SLC6A11: variants seen among roughly 807,000 people sequenced by gnomAD.
The protein encoded by SLC6A11 is sodium- and chloride-dependent GABA transporter 3.
A neutral mutation model predicts 74.8 loss-of-function variants in SLC6A11; 25 were observed. The observed-to-expected ratio is 0.33, with a 90% CI of 0.24 to 0.47. The LOEUF (loss-of-function observed/expected upper bound fraction) is 0.47, where lower values mean the gene tolerates loss of function less well. Among genes scored for constraint, SLC6A11 ranks in the 20% least tolerant of loss-of-function variants. SLC6A11 has a pLI of 1.00. For synonymous variants in SLC6A11, 330 were observed against 330.2 expected, an observed-to-expected ratio of 1.00 and a Z score of 0.01; for missense variants, 574 against 837.0, an observed-to-expected ratio of 0.69 and a Z score of 3.88.
chr3:10,911,846 C>A (rs1202156810), intron 6 of SLC6A11, among the ~76,000 whole-genome samples: 1 of 152,182 alleles, frequency 6.6e-6, no homozygotes, highest in Non-Finnish European at 1.5e-5. Flanking sequence ...TTGCTATTCA[C>A]TGAGCTATTA....
chr3:10,848,749 A>G (rs1383110643), intron 5 of SLC6A11, among the ~76,000 whole-genome samples: 1 of 152,228 alleles, frequency 6.6e-6, no homozygotes, highest in Non-Finnish European at 1.5e-5. Flanking sequence ...TAGCTCCAGC[A>G]TTAAAAAATA....
intron 5 of SLC6A11, among the ~76,000 whole-genome samples, chr3:10,858,748 T>C (rs771077517): frequency 4.6e-5 from 7 of 152,226 alleles, no homozygotes; most frequent in Non-Finnish European, 8.8e-5. Context: ...TACTGAGTTA[T>C]TGTTTTACGG....
chr3:10,863,335 C>A (rs1451408264), intron 5 of SLC6A11, among the ~76,000 whole-genome samples: 30 of 152,290 alleles, frequency 2.0e-4, no homozygotes, highest in Admixed American at 2.0e-3. Flanking sequence ...CTCATTTAAT[C>A]CTTACATCTA....
At chr3:10,905,821 C>G (rs541125419) in intron 6 of SLC6A11, among the ~76,000 whole-genome samples, 2 of 152,322 alleles carry the variant, frequency 1.3e-5, no homozygotes, top group South Asian at 4.1e-4. Context: ...TTCTCAGGCT[C>G]TGCTATGCCC....
chr3:10,887,371 C>T (rs1357373434), intron 6 of SLC6A11, among the ~76,000 whole-genome samples: 2 of 152,082 alleles, frequency 1.3e-5, no homozygotes, highest in African/African-American at 2.4e-5. Context: ...GATAAAGGAA[C>T]ATAGACAATC....
chr3:10,931,140 C>G (rs1695680384), intron 10 of SLC6A11, among the ~76,000 whole-genome samples: 1 of 152,190 alleles, frequency 6.6e-6, no homozygotes, highest in Non-Finnish European at 1.5e-5. Context: ...AGACAGATGA[C>G]CTGGGTTCAA....
intron 5 of SLC6A11, 65 bp downstream of exon 5, chr3:10,844,411 G>A: frequency 6.3e-7 from 1 of 1,598,440 alleles, no homozygotes; most frequent in Non-Finnish European, 8.6e-7. Flanking sequence ...AGATGACCTA[G>A]AGAGTAACAG....
intron 13 of SLC6A11, among the ~76,000 whole-genome samples, chr3:10,935,835 G>C (rs1283544495): frequency 6.6e-6 from 1 of 152,196 alleles, no homozygotes; most frequent in Non-Finnish European, 1.5e-5. Flanking sequence ...ACATTGTGCA[G>C]TCATTGTCAT....
intron 5 of SLC6A11, among the ~76,000 whole-genome samples, chr3:10,860,588 G>A (rs1187667876): frequency 6.6e-6 from 1 of 152,224 alleles, no homozygotes; most frequent in East Asian, 1.9e-4. Context: ...GGGAGAAGGA[G>A]GGCAAGGGTT....
chr3:10,905,478 G>A (rs967133312), intron 6 of SLC6A11, among the ~76,000 whole-genome samples: 4 of 152,238 alleles, frequency 2.6e-5, no homozygotes, highest in Non-Finnish European at 5.9e-5. Flanking sequence ...CCCCTTCACA[G>A]GGGCTATGCT....
intron 5 of SLC6A11, among the ~76,000 whole-genome samples, chr3:10,848,635 G>A (rs1694535070): frequency 6.6e-6 from 1 of 152,226 alleles, no homozygotes; most frequent in South Asian, 2.1e-4. Context: ...CTCCTTGGGA[G>A]GTGCCGGGGA....
chr3:10,926,946 C>A lies in SLC6A11; in HGVS notation c.1233+830C>A, dbSNP rs1356644554. 6.6e-6 allele frequency among the ~76,000 whole-genome samples: 1 copy of A among 152,174 alleles called. No homozygotes were observed. Among genetic ancestry groups the A allele is most frequent in the Non-Finnish European group, 1.5e-5 (1 of 68,032 alleles). ...GCCTCCCCGCCTCGGAGACTGGGGT[C>A]TCTTGGCCAACCAGTGCTGTGCTGT... On this transcript the variant is annotated intron_variant, in intron 9 of 13. Transcript: ENST00000254488. This position sits in a 1 kb window ranked among gnomAD's most constrained non-coding sequence, Gnocchi z 5.7.
chr3:10,868,338 G>A (rs1694789524), intron 5 of SLC6A11, among the ~76,000 whole-genome samples: 2 of 152,124 alleles, frequency 1.3e-5, no homozygotes. Context: ...AATGTTTGTG[G>A]CATTCCAAAT....
chr3:10,842,060 C>G (rs1694445334), intron 4 of SLC6A11, among the ~76,000 whole-genome samples: 2 of 152,172 alleles, frequency 1.3e-5, no homozygotes, highest in Non-Finnish European at 2.9e-5. Flanking sequence ...GCAGGGTAAG[C>G]CCACAGGGCT....
At chr3:10,898,246 A>C (rs879299207) in intron 6 of SLC6A11, among the ~76,000 whole-genome samples, 6 of 152,170 alleles carry the variant, frequency 3.9e-5, no homozygotes, top group Non-Finnish European at 8.8e-5. Context: ...TGTTTTGGGG[A>C]TTAACATTCG....
intron 6 of SLC6A11, among the ~76,000 whole-genome samples, chr3:10,884,910 T>C (rs532787402): frequency 1.1e-3 from 160 of 152,370 alleles, no homozygotes; most frequent in African/African-American, 3.8e-3. Context: ...TTCACTTATC[T>C]GCTTTAGTTT....
At chr3:10,907,699 A>G (rs2106623599) in intron 6 of SLC6A11, among the ~76,000 whole-genome samples, 1 of 152,370 alleles carries the variant, frequency 6.6e-6, no homozygotes, top group East Asian at 1.9e-4. Context: ...ACTTTGTGCC[A>G]GAAGGCAACT....
chr3:10,848,116 T>C (rs1694527211), intron 5 of SLC6A11, among the ~76,000 whole-genome samples: 1 of 152,232 alleles, frequency 6.6e-6, no homozygotes, highest in African/African-American at 2.4e-5. Context: ...AGACCCTTCC[T>C]ATCTCCAAGG....
intron 4 of SLC6A11, among the ~76,000 whole-genome samples, chr3:10,840,318 C>T (rs1694421595): frequency 6.6e-6 from 1 of 152,150 alleles, no homozygotes; most frequent in Non-Finnish European, 1.5e-5. Flanking sequence ...CATATGCCCC[C>T]CACTTCTTTG....
Sources: allele counts gnomAD v4.1 joint callset (sites outside exome capture counted in the v4.1 genomes callset), GRCh38; gene constraint gnomAD v4.1.1; non-coding constraint Gnocchi (gnomAD v3.1); transcripts MANE v1.5; gene names NCBI Gene and HGNC (gene_info 2026-07-23, HGNC 2026-07-21).